The following TMC3 variants were observed in gnomAD, a reference collection of about 807,000 sequenced individuals.
The protein encoded by TMC3 is transmembrane channel-like protein 3.
Under a neutral mutation model 110.6 loss-of-function variants are expected in TMC3, and 98 were observed. The observed-to-expected ratio is 0.89, with a 90% CI of 0.75 to 1.05. TMC3 has a LOEUF of 1.05. Ranked by LOEUF, TMC3 falls within the 50% of genes least tolerant of loss-of-function variation. The pLI is 0.00. For missense variants in TMC3, 1,319 were observed against 1,373.2 expected (o/e 0.96, Z 0.62); for synonymous variants, 489 against 513.1 (o/e 0.95, Z 0.63).
intron 8 of TMC3, 114 bp downstream of exon 8, chr15:81,356,333 T>C: frequency 1.7e-6 from 2 of 1,211,998 alleles, no homozygotes; most frequent in Non-Finnish European, 2.2e-6. Flanking sequence ...ACAACTGCCC[T>C]GGACAATGAA....
At chr15:81,344,679 A>G in intron 13 of TMC3, 87 bp downstream of exon 13, 1 of 1,333,476 alleles carries the variant, frequency 7.5e-7, no homozygotes, top group Non-Finnish European at 1.0e-6. Context: ...TTTTTCTATA[A>G]CATAGGGGCA....
At chr15:81,344,279 G>A (rs1156753422) in intron 13 of TMC3, among the ~76,000 whole-genome samples, 1 of 152,178 alleles carries the variant, frequency 6.6e-6, no homozygotes, top group Non-Finnish European at 1.5e-5. Context: ...TGATATCTGA[G>A]GCCAGCATCA....
chr15:81,341,421 C>T lies in TMC3; in HGVS notation c.1813G>A (p.Val605Met). The T allele has an allele frequency of 1.2e-6, 2 of 1,611,804 alleles. No individual in the cohort carries two copies. Among genetic ancestry groups the T allele is most frequent in the Admixed American group, 1.7e-5 (1 of 59,780 alleles). ...LRSWAVLTCNVPHQQVFRASR... is the reference protein window; with the variant it reads ...LRSWAVLTCNMPHQQVFRASR... ...GCTCGAAATACTTGCTGGTGGGGCA[C>T]ATTGCAGGTCAGCACAGCCCAGCTT... The change falls in exon 16 of 22, where the codon GTG becomes ATG. Residue 605 changes from valine to methionine, a missense_variant. Physicochemically the swap from Val to Met is conservative, Grantham distance 21. Transcript: ENST00000359440.
At chr15:81,372,511 C>T in intron 2 of TMC3, 80 bp downstream of exon 2, 1 of 1,568,498 alleles carries the variant, frequency 6.4e-7, no homozygotes, top group East Asian at 2.2e-5. Context: ...GAGTCTTTAT[C>T]CTCGTTCCCA....
Position 81,331,149 on chromosome 15 carries a change from G to A in TMC3, c.*1270C>T, listed in dbSNP as rs771581939. On this transcript the variant is annotated 3_prime_UTR_variant, in exon 22 of 22. Transcript: ENST00000359440. ...CTGGCTCAGTAGGACTAGCGTCCAG[G>A]AAAGTCTGAGCCCTGGATAAAGAAA... 8.5e-5 allele frequency: 13 copies of A among 152,276 alleles called. No homozygotes were observed. Among genetic ancestry groups the A allele is most frequent in the Non-Finnish European group, 1.8e-4 (12 of 68,060 alleles). 9.4% of individuals were successfully genotyped at this position (152,276 alleles called of 1,614,324 possible).
intron 9 of TMC3, among the ~76,000 whole-genome samples, chr15:81,355,059 C>T (rs1334013380): frequency 6.6e-6 from 1 of 152,108 alleles, no homozygotes; most frequent in Non-Finnish European, 1.5e-5. Context: ...TCCAACTCCT[C>T]CCCCACTCCC....
At position 81,358,395 on chromosome 15, in the gene TMC3, A is replaced by G. The variant is rs370121558; in HGVS notation, c.600+7T>C. On this transcript the variant is annotated splice_region_variant and intron_variant, in intron 6 of 21. Coordinates refer to ENST00000359440, the MANE Select transcript of TMC3 (RefSeq NM_001080532.3). ...AAGACAAGAGTGTGGCCAAGCATCA[A>G]TCTCACCCCCAGAGACCAGACGGTG... The G allele has an allele frequency of 3.0e-4, 485 of 1,611,546 alleles. 7 individuals are homozygous for G. In the South Asian group the frequency reaches 4.0e-3, roughly 13 times the overall value.
In TMC3 at chr15:81,338,680, T is replaced by TGACCACGGGGCTACTGATGTGTCC. The variant is rs1893648614; in HGVS notation, c.2032_2055dup (p.Gly678_Val685dup). 7 of 1,614,022 alleles carry TGACCACGGGGCTACTGATGTGTCC rather than the reference T, an allele frequency of 4.3e-6. No homozygotes were observed. Among genetic ancestry groups the TGACCACGGGGCTACTGATGTGTCC allele is most frequent in the South Asian group, 1.1e-5 (1 of 91,090 alleles). On this transcript the variant is annotated inframe_insertion, in exon 18 of 22. Transcript: ENST00000359440. ...AAAAGCAGGAGTACTGCGGGCAGGA[T>TGACCACGGGGCTACTGATGTGTCC]GACCACGGGGCTACTGATGTGTCCA...
In TMC3 at chr15:81,331,723, A is replaced by G. The variant is rs1322502034; in HGVS notation, c.*696T>C. On this transcript the variant is annotated 3_prime_UTR_variant, in exon 22 of 22. Coordinates refer to ENST00000359440, the MANE Select transcript of TMC3 (RefSeq NM_001080532.3). The stretch of plus-strand genomic sequence containing the variant: ...ATCGGCAGCTTCCCCATAAAATGTC[A>G]GGAGTTGGGCGAGTGGGCTCAAACA... 1 of 152,192 alleles carries G rather than the reference A, an allele frequency of 6.6e-6. No homozygotes were observed. Among genetic ancestry groups the G allele is most frequent in the Non-Finnish European group, 1.5e-5 (1 of 68,036 alleles). The allele number at this position is 152,192 out of a possible 1,614,324, so 9.4% of individuals were successfully genotyped here. A position where few individuals can be genotyped will look rare whatever the true frequency, so the allele number is the denominator to read the frequency against.
chr15:81,338,952 A>G (rs1399177722), intron 17 of TMC3, among the ~76,000 whole-genome samples, 172 bp from the exon 18 acceptor site: 1 of 152,264 alleles, frequency 6.6e-6, no homozygotes, highest in Non-Finnish European at 1.5e-5. Flanking sequence ...CATTGCATGT[A>G]TGTGTGTGTT....
intron 3 of TMC3, among the ~76,000 whole-genome samples, chr15:81,367,898 A>G (rs770981723): frequency 6.6e-6 from 1 of 152,080 alleles, no homozygotes; most frequent in South Asian, 2.1e-4. Flanking sequence ...TGGAGACCAC[A>G]GTGCTCACAT....
intron 15 of TMC3, 30 bp downstream of exon 15, chr15:81,343,248 G>A (rs199780848): frequency 1.9e-4 from 276 of 1,473,218 alleles, no homozygotes; most frequent in Non-Finnish European, 2.4e-4. Flanking sequence ...TGAGATGTAA[G>A]CAAAGGCAAG....
At chr15:81,343,398 G>T in intron 14 of TMC3, 53 bp from the exon 15 acceptor site, 3 of 1,246,596 alleles carry the variant, frequency 2.4e-6, no homozygotes, top group South Asian at 1.2e-5. Context: ...TTCTTTGCAT[G>T]AACCAATTAA....
At position 81,360,645 on chromosome 15, in the gene TMC3, C is replaced by T. The variant is rs202084060; in HGVS notation, c.395-1174G>A. 1.5e-4 allele frequency among the ~76,000 whole-genome samples: 23 copies of T among 149,876 alleles called. No homozygotes were observed. The East Asian group carries it at 4.1e-3, about 26-fold the overall frequency. On this transcript the variant is annotated intron_variant, in intron 4 of 21. Transcript: ENST00000359440. ...CGGGGGAAAGAGCCAGGGAAGGGCA[C>T]GATCTTAGCTGCACCCTAGCTGAGT...
At position 81,344,952 on chromosome 15, in the gene TMC3, G is replaced by C. The variant is rs895771592; in HGVS notation, c.1332C>G (p.Thr444=). 1 of 1,610,958 alleles carries C rather than the reference G, an allele frequency of 6.2e-7. No homozygotes were observed. The highest frequency in any genetic ancestry group is 8.5e-7 in the Non-Finnish European group (1 of 1,178,640). The change falls in exon 13 of 22, where the codon ACC becomes ACG. Residue 444 remains threonine, a synonymous_variant. Transcript: ENST00000359440. ...ATTTCTCTTCTTCAGGGGCTGTCCT[G>C]GTTGCAAAGAAGGTGGTGGAATCTA... ...HWIDSTTFFA[T]RTAPEEEKWS...
At chr15:81,337,805 T>C (rs957964576) in intron 19 of TMC3, 41 bp downstream of exon 19, 1 of 1,526,520 alleles carries the variant, frequency 6.6e-7, no homozygotes, top group Non-Finnish European at 9.1e-7. Flanking sequence ...AGTCATGTGG[T>C]TGACACATAT....
intron 2 of TMC3, among the ~76,000 whole-genome samples, chr15:81,371,349 A>T (rs1596099941): frequency 6.6e-6 from 1 of 152,240 alleles, no homozygotes; most frequent in East Asian, 1.9e-4. Context: ...CATTACCTGG[A>T]ATGCAAATCT....
At chr15:81,360,712 G>A (rs765424092) in intron 4 of TMC3, among the ~76,000 whole-genome samples, 19 of 152,172 alleles carry the variant, frequency 1.2e-4, no homozygotes, top group Non-Finnish European at 2.4e-4. Context: ...GCACCACTGA[G>A]TTGGTCCCAC....
At chr15:81,350,001 C>T (rs1893911893) in intron 10 of TMC3, among the ~76,000 whole-genome samples, 1 of 148,434 alleles carries the variant, frequency 6.7e-6, no homozygotes, top group Non-Finnish European at 1.5e-5. Flanking sequence ...GGTCCCAACT[C>T]ATTGGGAGGC....
Sources: allele counts gnomAD v4.1 joint callset (sites outside exome capture counted in the v4.1 genomes callset), GRCh38; gene constraint gnomAD v4.1.1; transcripts MANE v1.5; gene names NCBI Gene and HGNC (gene_info 2026-07-23, HGNC 2026-07-21).